The following NCAM2 variants were observed in gnomAD, a reference collection of about 807,000 sequenced individuals.
NCAM2 encodes N-CAM-2.
A neutral mutation model predicts 98.1 loss-of-function variants in NCAM2; 30 were observed. The observed-to-expected ratio is 0.31, with a 90% CI of 0.23 to 0.41. The LOEUF (loss-of-function observed/expected upper bound fraction) is 0.41. Ranked by LOEUF, NCAM2 falls within the 10% of genes least tolerant of loss-of-function variation. The probability of loss-of-function intolerance (pLI) is 1.00; values close to 1 mark genes in which losing one functional copy is unlikely to be tolerated. For missense variants in NCAM2, 867 were observed against 1,005.8 expected (o/e 0.86, Z 1.87); for synonymous variants, 368 against 342.4 (o/e 1.07, Z -0.83).
At chr21:21,042,933 A>G (rs1229440566) in intron 1 of NCAM2, among the ~76,000 whole-genome samples, 2 of 152,246 alleles carry the variant, frequency 1.3e-5, no homozygotes, top group Non-Finnish European at 2.9e-5. Flanking sequence ...AAAATGTGTG[A>G]AATCCAAATA....
chr21:21,293,480 A>G (rs539675706), intron 5 of NCAM2, among the ~76,000 whole-genome samples: 58 of 151,892 alleles, frequency 3.8e-4, no homozygotes, highest in Admixed American at 3.8e-3. Context: ...GCATTCTGCC[A>G]TTAGATGTCA....
chr21:21,331,416 G>A (rs12626332), intron 6 of NCAM2, among the ~76,000 whole-genome samples: 5,702 of 141,620 alleles, frequency 0.04, 230 homozygotes, highest in East Asian at 0.19. Flanking sequence ...GGGGATACAG[G>A]AGTGAGCCAC....
intron 5 of NCAM2, among the ~76,000 whole-genome samples, chr21:21,313,256 T>G (rs935008645): frequency 7.2e-5 from 11 of 152,078 alleles, no homozygotes; most frequent in African/African-American, 2.6e-4. Flanking sequence ...TTCCTCCTGC[T>G]TAATTTTTGC....
At chr21:21,098,083 G>C (rs925089855) in intron 1 of NCAM2, among the ~76,000 whole-genome samples, 1 of 149,146 alleles carries the variant, frequency 6.7e-6, no homozygotes, top group Non-Finnish European at 1.5e-5. Flanking sequence ...GTTTTATGAA[G>C]TTGAATGTAC....
chr21:21,120,417 C>T (rs963088897), intron 1 of NCAM2, among the ~76,000 whole-genome samples: 1 of 151,828 alleles, frequency 6.6e-6, no homozygotes, highest in African/African-American at 2.4e-5. Context: ...GAAACTGATT[C>T]CTTTAGTGGC....
At chr21:21,081,911 G>T (rs181725625) in intron 1 of NCAM2, among the ~76,000 whole-genome samples, 1 of 151,842 alleles carries the variant, frequency 6.6e-6, no homozygotes, top group Admixed American at 6.6e-5. Context: ...AGTGCTCTAC[G>T]CATTCAATAA....
chr21:21,420,383 A>T (rs13052804), intron 11 of NCAM2, among the ~76,000 whole-genome samples: 28,695 of 151,930 alleles, frequency 0.19, 2,996 homozygotes, highest in East Asian at 0.32. Flanking sequence ...CTGATAAGGA[A>T]TCCTAAAATA....
rs149438266 is a variant in NCAM2, at chr21:21,437,912, T to TTTTA, written c.1654+5632_1654+5633insTTAT. ...TTAGAATACATATTTAAAGCACATA[T>TTTTA]TATATATATATATATTTGAATACTA... On this transcript the variant is annotated intron_variant, in intron 12 of 17. Transcript: ENST00000400546. Among the ~76,000 whole-genome samples the TTTTA allele has an allele frequency of 1.1e-4, 16 of 150,324 alleles. No individual in the cohort carries two copies. In the South Asian group the frequency reaches 1.5e-3, roughly 14 times the overall value.
chr21:21,411,961 TA>T (rs752635768), intron 10 of NCAM2, among the ~76,000 whole-genome samples: 30 of 117,914 alleles, frequency 2.5e-4, no homozygotes, highest in Non-Finnish European at 5.2e-4. Flanking sequence ...GTCAATTTCA[TA>T]AAAACATCTG....
intron 7 of NCAM2, 25 bp from the exon 8 acceptor site, chr21:21,338,364 T>A (rs1232879288): frequency 6.3e-7 from 1 of 1,593,686 alleles, no homozygotes; most frequent in Non-Finnish European, 8.6e-7. Flanking sequence ...CAATACCGGT[T>A]GAGTAATATA....
At chr21:21,335,443 A>T in intron 6 of NCAM2, 62 bp from the exon 7 acceptor site, 3 of 1,413,012 alleles carry the variant, frequency 2.1e-6, no homozygotes, top group Non-Finnish European at 2.8e-6. Context: ...TAAAAAGTTG[A>T]TTAAAATCTA....
At chr21:21,214,492 C>G (rs553434337) in intron 1 of NCAM2, among the ~76,000 whole-genome samples, 1 of 151,846 alleles carries the variant, frequency 6.6e-6, no homozygotes, top group South Asian at 2.1e-4. Context: ...CTTACCAATC[C>G]AAGTAATTGT....
intron 1 of NCAM2, among the ~76,000 whole-genome samples, chr21:21,153,249 T>G (rs547216500): frequency 6.6e-6 from 1 of 151,660 alleles, no homozygotes; most frequent in Non-Finnish European, 1.5e-5. Flanking sequence ...TGGAAGACAA[T>G]TCCATTATCA....
At chr21:21,467,271 TA>T (rs1379510383) in intron 13 of NCAM2, among the ~76,000 whole-genome samples, 1 of 151,174 alleles carries the variant, frequency 6.6e-6, no homozygotes, top group Non-Finnish European at 1.5e-5. Flanking sequence ...TTAAAAGACT[TA>T]ACATTTCCTT....
At chr21:21,146,416 TA>T (rs2067274642) in intron 1 of NCAM2, among the ~76,000 whole-genome samples, 1 of 151,512 alleles carries the variant, frequency 6.6e-6, no homozygotes, top group African/African-American at 2.4e-5. Flanking sequence ...GATACTTAAA[TA>T]ATCTATAGGG....
intron 16 of NCAM2, among the ~76,000 whole-genome samples, chr21:21,517,804 T>C (rs1250381505): frequency 6.6e-6 from 1 of 152,094 alleles, no homozygotes; most frequent in Non-Finnish European, 1.5e-5. Context: ...ATGGCACCAA[T>C]AGACTCCAGC....
At chr21:21,354,923 A>T (rs1002561373) in intron 8 of NCAM2, among the ~76,000 whole-genome samples, 5 of 152,200 alleles carry the variant, frequency 3.3e-5, no homozygotes, top group Non-Finnish European at 7.4e-5. Context: ...TTTTTCTGCT[A>T]AAGTGAAATA....
chr21:21,410,468 C>T lies in NCAM2; in HGVS notation c.1383+7C>T. The T allele has an allele frequency of 6.8e-7, 1 of 1,473,752 alleles. No individual in the cohort carries two copies. The highest frequency in any genetic ancestry group is 9.1e-7 in the Non-Finnish European group (1 of 1,096,976). The allele number at this position is 1,473,752 out of a possible 1,614,324, so 91.3% of individuals were successfully genotyped here. On this transcript the variant is annotated splice_region_variant and intron_variant, in intron 10 of 17. Coordinates refer to ENST00000400546, the MANE Select transcript of NCAM2 (RefSeq NM_004540.5). ...AAGAAAGATGATATTAGAGGTAAGT[C>T]CACATGTATACATCAATAAATTGTA...
intron 1 of NCAM2, among the ~76,000 whole-genome samples, chr21:21,216,811 T>C (rs1347762471): frequency 6.6e-6 from 1 of 152,184 alleles, no homozygotes; most frequent in African/African-American, 2.4e-5. Flanking sequence ...CTGCTTCAGG[T>C]TCCCTTAGGT....
Sources: allele counts gnomAD v4.1 joint callset (sites outside exome capture counted in the v4.1 genomes callset), GRCh38; gene constraint gnomAD v4.1.1; transcripts MANE v1.5; gene names NCBI Gene and HGNC (gene_info 2026-07-23, HGNC 2026-07-21).